The following TTC28 variants were observed in gnomAD, a reference collection of about 807,000 sequenced individuals.
The protein encoded by TTC28 is tetratricopeptide repeat domain 28, also known as tetratricopeptide repeat protein 28.
Under a neutral mutation model 198.0 loss-of-function variants are expected in TTC28, and 61 were observed. The ratio of observed to expected loss-of-function variants is 0.31; its 90% confidence interval spans 0.25 to 0.38. TTC28 has a LOEUF of 0.38. Among genes scored for constraint, TTC28 ranks in the 10% least tolerant of loss-of-function variants. TTC28 has a pLI of 1.00. For synonymous variants in TTC28, 1,171 were observed against 1,297.8 expected (o/e 0.90, Z 2.10); for missense variants, 2,678 against 3,164.0 (o/e 0.85, Z 3.69).
chr22:28,375,798 G>A (rs1317244642), intron 2 of TTC28, among the ~76,000 whole-genome samples: 1 of 152,146 alleles, frequency 6.6e-6, no homozygotes, highest in Non-Finnish European at 1.5e-5. Context: ...CAGAACTGGA[G>A]AGAACAAAAA....
intron 2 of TTC28, among the ~76,000 whole-genome samples, chr22:28,393,101 T>G (rs1020313123): frequency 2.6e-5 from 4 of 152,066 alleles, no homozygotes; most frequent in African/African-American, 9.7e-5. Flanking sequence ...CAGGCTGGTC[T>G]CAAACTCCTG....
At chr22:28,196,186 A>T (rs1314766032) in intron 5 of TTC28, among the ~76,000 whole-genome samples, 1 of 152,148 alleles carries the variant, frequency 6.6e-6, no homozygotes, top group African/African-American at 2.4e-5. Context: ...AGAATTGGGG[A>T]AAGGATTCCC....
intron 1 of TTC28, among the ~76,000 whole-genome samples, chr22:28,645,289 A>G (rs2051441287): frequency 1.3e-5 from 2 of 152,322 alleles, no homozygotes; most frequent in South Asian, 4.1e-4. Flanking sequence ...CACAGATGCA[A>G]AAATCCTCAA....
chr22:28,187,492 T>A (rs1373862986), intron 5 of TTC28, among the ~76,000 whole-genome samples: 1 of 150,856 alleles, frequency 6.6e-6, no homozygotes, highest in Non-Finnish European at 1.5e-5. Context: ...CTATATACTA[T>A]ACACACTATA....
chr22:28,142,162 G>A (rs1369783979), intron 6 of TTC28, among the ~76,000 whole-genome samples: 1 of 152,216 alleles, frequency 6.6e-6, no homozygotes, highest in Non-Finnish European at 1.5e-5. Context: ...ATGCCTCCAA[G>A]GTACATCGTG....
intron 2 of TTC28, among the ~76,000 whole-genome samples, chr22:28,434,612 C>T (rs1219173820): frequency 6.6e-6 from 1 of 152,180 alleles, no homozygotes; most frequent in African/African-American, 2.4e-5. Flanking sequence ...CATGTATCCA[C>T]CATCACTCAC....
In TTC28 at chr22:28,424,739, C is replaced by T. The variant is rs188113562; in HGVS notation, c.382-118096G>A. ...ACCACATTTAGTCAAACATTTAGAT[C>T]TTTGCTAATTTCCAGTTAGCCCCTA... On this transcript the variant is annotated intron_variant, in intron 2 of 22. Coordinates refer to ENST00000397906, the MANE Select transcript of TTC28 (RefSeq NM_001145418.2). Among the ~76,000 whole-genome samples the T allele has an allele frequency of 2.0e-5, 3 of 152,294 alleles. No homozygotes were observed. The East Asian group carries it at 5.8e-4, about 29-fold the overall frequency.
intron 12 of TTC28, among the ~76,000 whole-genome samples, chr22:28,086,285 T>G (rs1569130292): frequency 6.6e-6 from 1 of 152,052 alleles, no homozygotes; most frequent in Non-Finnish European, 1.5e-5. Context: ...TCAGCAAATG[T>G]AAAAGATGAG....
intron 5 of TTC28, among the ~76,000 whole-genome samples, chr22:28,289,964 C>T (rs1335339323): frequency 6.6e-6 from 1 of 151,964 alleles, no homozygotes; most frequent in African/African-American, 2.4e-5. Context: ...ACAGAGGTTG[C>T]AGTGAGCCGA....
rs1426038391 is a variant in TTC28, at chr22:28,140,684, T to G, written c.1441+22408A>C. ...GCCTTTCCAGAAATGGTCAACTTCA[T>G]GTAATCTTCTTATCCATAAAGGCAA... is the stretch of plus-strand genomic sequence containing the variant. On this transcript the variant is annotated intron_variant, in intron 6 of 22. Transcript: ENST00000397906. Among the ~76,000 whole-genome samples, 3 of 152,250 alleles carry G rather than the reference T, an allele frequency of 2.0e-5. No individual in the cohort carries two copies. The East Asian group carries it at 5.8e-4, about 29-fold the overall frequency.
chr22:28,656,086 A>T (rs1265987602), intron 1 of TTC28, among the ~76,000 whole-genome samples: 2 of 152,230 alleles, frequency 1.3e-5, no homozygotes, highest in Non-Finnish European at 2.9e-5. Flanking sequence ...CACAGATAGC[A>T]ACTGCAGGAA....
chr22:28,338,968 G>T (rs1365175734), intron 2 of TTC28, among the ~76,000 whole-genome samples: 1 of 152,088 alleles, frequency 6.6e-6, no homozygotes, highest in African/African-American at 2.4e-5. Context: ...TAGAGTGTCT[G>T]GTTTTTCTGC....
At chr22:28,427,713 C>A (rs2146192651) in intron 2 of TTC28, among the ~76,000 whole-genome samples, 1 of 151,918 alleles carries the variant, frequency 6.6e-6, no homozygotes, top group East Asian at 1.9e-4. Context: ...TATATCTAAT[C>A]CAAAAACAAA....
At chr22:28,405,329 A>G (rs2046983291) in intron 2 of TTC28, among the ~76,000 whole-genome samples, 1 of 152,208 alleles carries the variant, frequency 6.6e-6, no homozygotes, top group Non-Finnish European at 1.5e-5. Flanking sequence ...TCATTCACTC[A>G]ACAAATATTC....
Position 28,107,951 on chromosome 22 carries a change from C to T in TTC28, c.1894G>A (p.Gly632Arg), listed in dbSNP as rs1008877799. Residue 632 changes from glycine to arginine, a missense_variant, in exon 7 of 23, where the codon GGA becomes AGA. Physicochemically the swap from Gly to Arg is moderately radical, Grantham distance 125. Around this residue, in one of 8 missense-constraint regions of TTC28, gnomAD observed 775 missense variants for 845.9 expected, o/e 0.92. Coordinates refer to ENST00000397906, the MANE Select transcript of TTC28 (RefSeq NM_001145418.2). ...AGATTGTGGCAGACCTTCCCTTCTCCTTCCATGTCTTGAAGGTCGGGAGCA... is the reference window on the plus strand; with the variant it reads ...AGATTGTGGCAGACCTTCCCTTCTCTTTCCATGTCTTGAAGGTCGGGAGCA... The part of the protein sequence containing the change: ...RLAPDLQDME[G>R]EGKVCHNLGY... 9.7e-6 allele frequency: 15 copies of T among 1,551,568 alleles called. No individual in the cohort carries two copies. The highest frequency in any genetic ancestry group is 4.1e-5 in the African/African-American group (3 of 73,046).
intron 14 of TTC28, among the ~76,000 whole-genome samples, chr22:28,004,367 C>T (rs1279430035): frequency 5.3e-5 from 8 of 152,228 alleles, no homozygotes; most frequent in Non-Finnish European, 2.9e-5. Flanking sequence ...AAGAGTAATT[C>T]AGACCAGGGC....
In TTC28 at chr22:28,553,624, G is replaced by A. The variant is rs891053682; in HGVS notation, c.381+75928C>T. On this transcript the variant is annotated intron_variant, in intron 2 of 22. Coordinates refer to ENST00000397906, the MANE Select transcript of TTC28 (RefSeq NM_001145418.2). ...CGTCTGGGAAGTGAGGAGCGTCTCC[G>A]CCCGGCAGCCACCCCATCCGGGAGG... is the stretch of plus-strand genomic sequence containing the variant. Among the ~76,000 whole-genome samples the A allele has an allele frequency of 1.1e-4, 16 of 151,562 alleles. No homozygotes were observed. In the East Asian group the frequency reaches 2.0e-3, roughly 19 times the overall value.
chr22:28,652,036 C>A (rs1419861651), intron 1 of TTC28, among the ~76,000 whole-genome samples: 1 of 151,962 alleles, frequency 6.6e-6, no homozygotes, highest in East Asian at 1.9e-4. Context: ...GACAGGGTTT[C>A]ACCACATTGG....
chr22:28,245,864 C>T (rs748238926), intron 5 of TTC28, among the ~76,000 whole-genome samples: 13 of 152,180 alleles, frequency 8.5e-5, no homozygotes, highest in African/African-American at 1.2e-4. Flanking sequence ...GCCCCCTATA[C>T]GAACTTTTCA....
Sources: gnomAD v4.1 joint callset for allele counts (sites outside exome capture counted in the v4.1 genomes callset) on GRCh38, gnomAD v4.1.1 for gene constraint, gnomAD v4.1.1 regional missense constraint, MANE v1.5 for transcripts, NCBI Gene and HGNC (gene_info 2026-07-23, HGNC 2026-07-21) for gene names.